The following ABTB3 variants were observed in gnomAD, a reference collection of about 807,000 sequenced individuals.
The protein encoded by ABTB3 is ankyrin repeat and BTB domain containing 3.
At chr12:107,633,707 G>C in the ABTB3 span, among the ~76,000 whole-genome samples, 1 of 152,180 alleles carries the variant, frequency 6.6e-6, no homozygotes, top group African/African-American at 2.4e-5. Context: ...AGGGCTTTAG[G>C]CCAGAGGAAA....
chr12:107,372,329 G>T, the ABTB3 span, among the ~76,000 whole-genome samples: 1 of 152,150 alleles, frequency 6.6e-6, no homozygotes, highest in Non-Finnish European at 1.5e-5. Context: ...TACAAGCTGA[G>T]AGTACATTTA....
At chr12:107,577,399 C>T in the ABTB3 span, among the ~76,000 whole-genome samples, 144 of 152,312 alleles carry the variant, frequency 9.5e-4, no homozygotes, top group Middle Eastern at 3.4e-3. Flanking sequence ...GCCTTTCTCA[C>T]ATCCTGTAAC....
the ABTB3 span, among the ~76,000 whole-genome samples, chr12:107,329,901 A>G: frequency 6.6e-6 from 1 of 152,332 alleles, no homozygotes; most frequent in African/African-American, 2.4e-5. Context: ...AATTATGCAG[A>G]TGTAAATTTA....
chr12:107,650,318 G>A, the ABTB3 span: 1 of 152,242 alleles, frequency 6.6e-6, no homozygotes, highest in Admixed American at 6.5e-5. Flanking sequence ...AACAGTGCCT[G>A]GCACACAGTG....
the ABTB3 span, among the ~76,000 whole-genome samples, chr12:107,401,179 T>C: frequency 6.6e-6 from 1 of 152,178 alleles, no homozygotes; most frequent in Admixed American, 6.5e-5. Flanking sequence ...TGCAATATTT[T>C]CTCTGCCTAT....
At chr12:107,626,700 C>T in the ABTB3 span, among the ~76,000 whole-genome samples, 2 of 152,060 alleles carry the variant, frequency 1.3e-5, no homozygotes, top group Non-Finnish European at 2.9e-5. Flanking sequence ...CCCAGTTGGA[C>T]AGTGACTATC....
the ABTB3 span, among the ~76,000 whole-genome samples, chr12:107,616,508 A>G: frequency 6.6e-6 from 1 of 152,234 alleles, no homozygotes; most frequent in Admixed American, 6.5e-5. Context: ...TTATGAAGCA[A>G]AACTTCTGGA....
chr12:107,546,006 T>C, the ABTB3 span, among the ~76,000 whole-genome samples: 2 of 152,242 alleles, frequency 1.3e-5, no homozygotes, highest in African/African-American at 4.8e-5. Flanking sequence ...CAGCCGACTT[T>C]CAGTTTCCAC....
chr12:107,481,490 C>T, the ABTB3 span, among the ~76,000 whole-genome samples: 15 of 152,214 alleles, frequency 9.9e-5, no homozygotes, highest in Admixed American at 5.9e-4. Flanking sequence ...TGCAAACCAA[C>T]GGCACAGAGC....
the ABTB3 span, among the ~76,000 whole-genome samples, chr12:107,565,764 A>G: frequency 2.6e-5 from 4 of 152,178 alleles, no homozygotes; most frequent in Non-Finnish European, 5.9e-5. Flanking sequence ...GAGGGACTTC[A>G]GGATTCTCCT....
chr12:107,529,877 A>C, the ABTB3 span, among the ~76,000 whole-genome samples: 1 of 152,322 alleles, frequency 6.6e-6, no homozygotes, highest in Non-Finnish European at 1.5e-5. Context: ...TTTGAAACTC[A>C]GTAGGGAAAG....
chr12:107,535,222 T>C, the ABTB3 span, among the ~76,000 whole-genome samples: 1 of 152,134 alleles, frequency 6.6e-6, no homozygotes, highest in Non-Finnish European at 1.5e-5. Context: ...AGAAAATGCA[T>C]GTGACAAATT....
At chr12:107,463,925 CTGTGGGGGAA>C in the ABTB3 span, among the ~76,000 whole-genome samples, 2 of 152,188 alleles carry the variant, frequency 1.3e-5, no homozygotes, top group Non-Finnish European at 2.9e-5. Flanking sequence ...CTCTGTGGGA[CTGTGGGGGAA>C]TCTGCCCTCA....
At chr12:107,327,504 T>C in the ABTB3 span, among the ~76,000 whole-genome samples, 1 of 152,272 alleles carries the variant, frequency 6.6e-6, no homozygotes, top group Non-Finnish European at 1.5e-5. Flanking sequence ...TTCTTCTCTT[T>C]CCCTAGTACC....
the ABTB3 span, among the ~76,000 whole-genome samples, chr12:107,600,823 G>A: frequency 2.7e-4 from 41 of 152,290 alleles, no homozygotes; most frequent in South Asian, 1.2e-3. Context: ...CTGGAGCCAC[G>A]GCAGAGCTCT....
the ABTB3 span, among the ~76,000 whole-genome samples, chr12:107,541,782 A>G: frequency 6.6e-6 from 1 of 152,170 alleles, no homozygotes; most frequent in Non-Finnish European, 1.5e-5. Flanking sequence ...ATGAGGGGGC[A>G]TGAAGACTGA....
At chr12:107,470,849 C>A in the ABTB3 span, among the ~76,000 whole-genome samples, 1 of 152,134 alleles carries the variant, frequency 6.6e-6, no homozygotes, top group South Asian at 2.1e-4. Context: ...ATCTGGAAAG[C>A]TGGGGCCAGC....
At chr12:107,356,511 A>T in the ABTB3 span, among the ~76,000 whole-genome samples, 528 of 152,322 alleles carry the variant, frequency 3.5e-3, 1 homozygote, top group African/African-American at 0.012. Context: ...TCTCCGTGTG[A>T]AGCCCTTCCA....
At chr12:107,539,081 A>C in the ABTB3 span, among the ~76,000 whole-genome samples, 1 of 152,234 alleles carries the variant, frequency 6.6e-6, no homozygotes, top group East Asian at 1.9e-4. Context: ...CAATTTTCCC[A>C]TCTCTGAAAT....
Sources: allele counts gnomAD v4.1 joint callset (sites outside exome capture counted in the v4.1 genomes callset), GRCh38; gene constraint gnomAD v4.1.1; transcripts MANE v1.5; gene names NCBI Gene and HGNC (gene_info 2026-07-23, HGNC 2026-07-21).